Variants in ZFPL1 observed in about 807,000 individuals in gnomAD.
The protein encoded by ZFPL1 is zinc finger protein like 1.
ZFPL1 carries 28 observed loss-of-function variants against 32.0 expected under a neutral mutation model. That is an observed-to-expected ratio of 0.87 (90% confidence interval 0.65 to 1.20). The LOEUF (loss-of-function observed/expected upper bound fraction) is 1.20, where lower values mean the gene tolerates loss of function less well. Ranked by LOEUF, ZFPL1 falls within the 50% of genes most tolerant of loss-of-function variation. The pLI, the probability that ZFPL1 is intolerant of heterozygous loss-of-function variation, is 0.00. For missense variants in ZFPL1, 386 were observed against 424.8 expected (o/e 0.91, Z 0.80); for synonymous variants, 165 against 177.0 (o/e 0.93, Z 0.54).
chr11:65,084,944 C>T (rs1201920450), intron 2 of ZFPL1, 144 bp downstream of exon 2: 9 of 1,108,758 alleles, frequency 8.1e-6, no homozygotes, highest in Non-Finnish European at 1.2e-5. Flanking sequence ...TGATATATCC[C>T]CCGTTCCCAA....
intron 1 of ZFPL1, 116 bp from the exon 2 acceptor site, chr11:65,084,575 A>C (rs1161777849): frequency 6.1e-6 from 5 of 821,956 alleles, no homozygotes. Flanking sequence ...CAGGAATCTG[A>C]GATCGGGGCG....
In ZFPL1 at chr11:65,085,097, A is replaced by G. The variant is rs1947661398; in HGVS notation, c.103-18A>G. The G allele has an allele frequency of 1.2e-6, 2 of 1,612,038 alleles. No homozygotes were observed. The highest frequency in any genetic ancestry group is 1.7e-6 in the Non-Finnish European group (2 of 1,178,122). On this transcript the variant is annotated intron_variant, in intron 2 of 7. Transcript: ENST00000294258. Reference sequence around the variant, plus strand: ...GAGCAGCCCCAGCACCAGTTGTGACATCTCTCTCCCACTCCAGTGCATCGT... The same window carrying G: ...GAGCAGCCCCAGCACCAGTTGTGACGTCTCTCTCCCACTCCAGTGCATCGT...
chr11:65,087,365 C>A lies in ZFPL1; in HGVS notation c.678C>A (p.Leu226=), dbSNP rs1372646409. 4 of 1,613,972 alleles carry A rather than the reference C, an allele frequency of 2.5e-6. No homozygotes were observed. Among genetic ancestry groups the A allele is most frequent in the Non-Finnish European group, 3.4e-6 (4 of 1,180,014 alleles). ...DTRDDDRTPG[L]HGDCDDDKYR... ...GGGATGATGACCGGACACCAGGCCT[C>A]CATGGAGACTGTGACGATGACAAGT... Residue 226 remains leucine (L), a synonymous_variant, in exon 7 of 8, where the codon CTC becomes CTA. Transcript: ENST00000294258.
At chr11:65,085,043 G>C (rs1360829750) in intron 2 of ZFPL1, 72 bp from the exon 3 acceptor site, 1 of 1,436,700 alleles carries the variant, frequency 7.0e-7, no homozygotes, top group Non-Finnish European at 9.8e-7. Context: ...TAGAGAAAAA[G>C]AGACAGTCGG....
Position 65,086,931 on chromosome 11 carries a change from G to T in ZFPL1, c.485G>T (p.Ser162Ile). The change falls in exon 6 of 8, where the codon AGC becomes ATC. Residue 162 changes from serine (S) to isoleucine (I), a missense_variant. Physicochemically the swap from Ser to Ile is moderately radical, Grantham distance 142 (BLOSUM62 -2). Coordinates refer to ENST00000294258, the MANE Select transcript of ZFPL1 (RefSeq NM_006782.4). ...DFSDWSSFNA[S>I]STPGPEEVDS... Reference sequence around the variant, plus strand: ...ACGGCTCTCTTTCCACCCACAGCCAGCAGTACCCCTGGACCAGAGGAGGTA... The same window carrying T: ...ACGGCTCTCTTTCCACCCACAGCCATCAGTACCCCTGGACCAGAGGAGGTA... 4 of 1,613,810 alleles carry T rather than the reference G, an allele frequency of 2.5e-6. No homozygotes were observed. The Admixed American group carries it at 6.7e-5, about 27-fold the overall frequency.
rs751803801 is a variant in ZFPL1, at chr11:65,086,726, G to A, written c.415G>A (p.Glu139Lys). The change falls in exon 5 of 8, where the codon GAG (glutamate) becomes AAG (lysine). Residue 139 changes from glutamate to lysine, a missense_variant. Glu to Lys is a moderately conservative substitution (Grantham distance 56, BLOSUM62 1). Coordinates refer to ENST00000294258, the MANE Select transcript of ZFPL1 (RefSeq NM_006782.4). ...CCCAGATTCCTTCCTCCAGATCGAT[G>A]AGGTGGTGAGCCCAGAGCCCGAGCC... ...RAGLGLPLID[E>K]VVSPEPEPLN... is the part of the protein sequence containing the mutation. 1 of 1,614,222 alleles carries A rather than the reference G, an allele frequency of 6.2e-7. No homozygotes were observed. Among genetic ancestry groups the A allele is most frequent in the Admixed American group, 1.7e-5 (1 of 60,028 alleles).
At position 65,086,872 on chromosome 11, in the gene ZFPL1, C is replaced by T. The variant is rs1947684895; in HGVS notation, c.482-56C>T. The T allele has an allele frequency of 1.9e-6, 3 of 1,613,304 alleles. No homozygotes were observed. In the Admixed American group the frequency reaches 5.0e-5, roughly 27 times the overall value. ...AGCTCCCTTGGTCTGCAGTCACATG[C>T]TCTACCCCTGAGCTCTATGCACTGC... On this transcript the variant is annotated intron_variant, in intron 5 of 7. Transcript: ENST00000294258.
Position 65,084,774 on chromosome 11 carries a change from C to T in ZFPL1, c.76C>T (p.His26Tyr). 6.2e-7 allele frequency: 1 copy of T among 1,614,148 alleles called. No homozygotes were observed. The highest frequency in any genetic ancestry group is 1.3e-5 in the African/African-American group (1 of 75,032). ...CGAACATCGGGTCAACGTCTGCGAGCACTGCCTGGTAGCCAATCACGCCAA... is the reference window on the plus strand; with the variant it reads ...CGAACATCGGGTCAACGTCTGCGAGTACTGCCTGGTAGCCAATCACGCCAA... ...CFEHRVNVCEHCLVANHAKCI... is the reference protein window; with the variant it reads ...CFEHRVNVCEYCLVANHAKCI... The change falls in exon 2 of 8, where the codon CAC (histidine) becomes TAC (tyrosine). Residue 26 changes from histidine (H) to tyrosine (Y), a missense_variant. Physicochemically the swap from His to Tyr is moderately conservative, Grantham distance 83. Transcript: ENST00000294258.
Position 65,088,021 on chromosome 11 carries a change from T to C in ZFPL1, c.840T>C (p.Leu280=), listed in dbSNP as rs1171215152. The change falls in exon 8 of 8, where the codon CTT becomes CTC. Residue 280 remains leucine, a synonymous_variant. Transcript: ENST00000294258. ...GACTGCTGGGCTTCCTGGCCCTCCT[T>C]GCCCTCATGTCTCGCCTAGGCCGGG... The part of the protein sequence containing the change: ...LLGLLGFLAL[L]ALMSRLGRAA... The C allele has an allele frequency of 6.2e-7, 1 of 1,607,602 alleles. No individual in the cohort carries two copies. Among genetic ancestry groups the C allele is most frequent in the Non-Finnish European group, 8.5e-7 (1 of 1,178,582 alleles).
At chr11:65,086,331 A>C in intron 3 of ZFPL1, 84 bp from the exon 4 acceptor site, 1 of 1,545,400 alleles carries the variant, frequency 6.5e-7, no homozygotes, top group Non-Finnish European at 8.9e-7. Flanking sequence ...TATGTCCTGC[A>C]ATGGTCTGGG....
At chr11:65,085,845 G>C (rs1947672851) in intron 3 of ZFPL1, 1 of 196,282 alleles carries the variant, frequency 5.1e-6, no homozygotes, top group Non-Finnish European at 1.1e-5. Context: ...ATGGGTAAAT[G>C]TATGTATGTG....
In ZFPL1 at chr11:65,087,050, G is replaced by C; in HGVS notation, c.604G>C (p.Gly202Arg). 1 of 1,613,836 alleles carries C rather than the reference G, an allele frequency of 6.2e-7. No individual in the cohort carries two copies. The highest frequency in any genetic ancestry group is 1.1e-5 in the South Asian group (1 of 91,052). The change falls in exon 6 of 8, where the codon GGC becomes CGC. Residue 202 changes from glycine (G) to arginine (R), a missense_variant. Transcript: ENST00000294258. ...RPEQHTVIHM[G>R]NPEPLTHAPR... is the part of the protein sequence containing the mutation. ...CGAGCAGCACACAGTGATCCACATG[G>C]GCAATCCTGAGCCCTTGACTCACGG...
chr11:65,088,016 C>A lies in ZFPL1; in HGVS notation c.835C>A (p.Leu279Ile), dbSNP rs1473291240. 2.0e-5 allele frequency: 32 copies of A among 1,605,148 alleles called. No homozygotes were observed. The highest frequency in any genetic ancestry group is 2.6e-5 in the Non-Finnish European group (31 of 1,178,022). Residue 279 changes from leucine (L) to isoleucine (I), a missense_variant, in exon 8 of 8, where the codon CTC becomes ATC. By Grantham distance (5) the Leu-to-Ile change is conservative. Transcript: ENST00000294258. Reference protein sequence around the residue: ...LLLGLLGFLALLALMSRLGRA... With the variant: ...LLLGLLGFLAILALMSRLGRA... ...CTTGGGACTGCTGGGCTTCCTGGCC[C>A]TCCTTGCCCTCATGTCTCGCCTAGG...
Position 65,086,499 on chromosome 11 carries a change from G to T in ZFPL1, c.299G>T (p.Cys100Phe). 1 of 1,614,022 alleles carries T rather than the reference G, an allele frequency of 6.2e-7. No homozygotes were observed. The highest frequency in any genetic ancestry group is 8.5e-7 in the Non-Finnish European group (1 of 1,180,028). Residue 100 changes from cysteine to phenylalanine, a missense_variant, in exon 4 of 8, where the codon TGC becomes TTC. Cys to Phe is a radical substitution (Grantham distance 205, BLOSUM62 -2). Coordinates refer to ENST00000294258, the MANE Select transcript of ZFPL1 (RefSeq NM_006782.4). ...TAPAGYQCPS[C>F]NGPIFPPTNL... Reference sequence around the variant, plus strand: ...CCTGCCGGCTATCAGTGCCCCAGCTGCAATGGCCCCATCTTCCCCCCAACC... The same window carrying T: ...CCTGCCGGCTATCAGTGCCCCAGCTTCAATGGCCCCATCTTCCCCCCAACC...
Position 65,086,974 on chromosome 11 carries a change from C to G in ZFPL1, c.528C>G (p.Ala176=), listed in dbSNP as rs773559533. 7.4e-6 allele frequency: 12 copies of G among 1,614,074 alleles called. No homozygotes were observed. The highest frequency in any genetic ancestry group is 3.3e-4 in the Middle Eastern group (2 of 6,060). ...AGGAGGTAGACAGCGCCTCTGCTGCCCCAGCCTTCTACAGCCAGGCCCCCC... is the reference window on the plus strand; with the variant it reads ...AGGAGGTAGACAGCGCCTCTGCTGCGCCAGCCTTCTACAGCCAGGCCCCCC... ...GPEEVDSASA[A]PAFYSQAPRP... The change falls in exon 6 of 8, where the codon GCC becomes GCG. Residue 176 remains alanine (A), a synonymous_variant. Coordinates refer to ENST00000294258, the MANE Select transcript of ZFPL1 (RefSeq NM_006782.4).
intron 1 of ZFPL1, 111 bp from the exon 2 acceptor site, chr11:65,084,580 G>A (rs1590803808): frequency 1.2e-6 from 1 of 850,110 alleles, no homozygotes; most frequent in Admixed American, 2.4e-5. Flanking sequence ...ATCTGAGATC[G>A]GGGCGAATAT....
Position 65,088,102 on chromosome 11 carries a change from G to T in ZFPL1, c.921G>T (p.Val307=). The T allele has an allele frequency of 6.2e-7, 1 of 1,608,884 alleles. No individual in the cohort carries two copies. Among genetic ancestry groups the T allele is most frequent in the East Asian group, 2.2e-5 (1 of 44,848 alleles). The stretch of plus-strand genomic sequence containing the variant: ...CACTCATGAACCCTCACATCCGCGT[G>T]GGCCCCTCCTGAGCCCCCTTGCTTG... ...LDPLMNPHIR[V]GPS Residue 307 remains valine, a synonymous_variant, in exon 8 of 8, where the codon GTG becomes GTT. Transcript: ENST00000294258.
Position 65,088,157 on chromosome 11 carries a change from G to C in ZFPL1, c.*43G>C, listed in dbSNP as rs879756344. ...TAGGCCAGCCTAGGATGTGGGTTCTGTGGAGGAGAGGCGGGGTAATGGGGA... is the reference window on the plus strand; with the variant it reads ...TAGGCCAGCCTAGGATGTGGGTTCTCTGGAGGAGAGGCGGGGTAATGGGGA... On this transcript the variant is annotated 3_prime_UTR_variant, in exon 8 of 8. Transcript: ENST00000294258. 32 of 1,578,994 alleles carry C rather than the reference G, an allele frequency of 2.0e-5. No individual in the cohort carries two copies. Among genetic ancestry groups the C allele is most frequent in the Non-Finnish European group, 2.6e-5 (31 of 1,170,752 alleles).
Position 65,084,302 on chromosome 11 carries a change from G to A in ZFPL1, c.-85G>A, listed in dbSNP as rs1379399451. Reference sequence around the variant, plus strand: ...AGGAGCCCTGGGGAGAGTGGTCCCTGCCCTTCCGCGCCTCGAGCCATCGCT... The same window carrying A: ...AGGAGCCCTGGGGAGAGTGGTCCCTACCCTTCCGCGCCTCGAGCCATCGCT... On this transcript the variant is annotated 5_prime_UTR_variant, in exon 1 of 8. Transcript: ENST00000294258. 3 of 526,122 alleles carry A rather than the reference G, an allele frequency of 5.7e-6. No homozygotes were observed. The highest frequency in any genetic ancestry group is 7.0e-5 in the East Asian group (2 of 28,480). The allele number at this position is 526,122 out of a possible 1,614,324, so 32.6% of individuals were successfully genotyped here. A position where few individuals can be genotyped will look rare whatever the true frequency, so the allele number is the denominator to read the frequency against.
Sources: gnomAD v4.1 joint callset for allele counts on GRCh38, gnomAD v4.1.1 for gene constraint, MANE v1.5 for transcripts, NCBI Gene and HGNC (gene_info 2026-07-23, HGNC 2026-07-21) for gene names.